Variants in TPTE2 observed in about 807,000 individuals in gnomAD.
The protein encoded by TPTE2 is phosphatidylinositol 3,4,5-trisphosphate 3-phosphatase TPTE2.
Under a neutral mutation model 78.6 loss-of-function variants are expected in TPTE2, and 53 were observed. The ratio of observed to expected loss-of-function variants is 0.67; its 90% CI spans 0.54 to 0.85. TPTE2 has a LOEUF of 0.85. Ranked by LOEUF, TPTE2 falls within the 40% of genes least tolerant of loss-of-function variation. The probability of loss-of-function intolerance (pLI) is 0.00; values close to 1 mark genes in which losing one functional copy is unlikely to be tolerated. For missense variants in TPTE2, 461 were observed against 623.0 expected (o/e 0.74, Z 2.77); for synonymous variants, 175 against 206.2 (o/e 0.85, Z 1.30).
At chr13:19,445,380 T>C (rs1323633013) in intron 13 of TPTE2, among the ~76,000 whole-genome samples, 1 of 150,604 alleles carries the variant, frequency 6.6e-6, no homozygotes, top group Non-Finnish European at 1.5e-5. Context: ...ATTATAGAAA[T>C]GCAAATGATC....
chr13:19,557,812 ATAGT>A, the TPTE2 span, among the ~76,000 whole-genome samples: 246 of 152,336 alleles, frequency 1.6e-3, no homozygotes, highest in African/African-American at 5.7e-3. Context: ...TACCTGAGAA[ATAGT>A]TATTCTCTTT....
intron 6 of TPTE2, among the ~76,000 whole-genome samples, chr13:19,467,863 T>C (rs1269334838): frequency 7.8e-6 from 1 of 128,310 alleles, no homozygotes; most frequent in Non-Finnish European, 1.6e-5. Context: ...GATGATCATC[T>C]TTCTACTCTC....
intron 13 of TPTE2, among the ~76,000 whole-genome samples, chr13:19,445,070 C>A (rs1877739532): frequency 6.6e-6 from 1 of 152,086 alleles, no homozygotes; most frequent in Non-Finnish European, 1.5e-5. Context: ...CACAAAAACA[C>A]AAACTTTATA....
chr13:19,454,068 G>T (rs544435152), intron 10 of TPTE2, among the ~76,000 whole-genome samples: 2 of 152,132 alleles, frequency 1.3e-5, no homozygotes, highest in Non-Finnish European at 2.9e-5. Context: ...TGGTAGCAGT[G>T]GCCAAACTTG....
intron 17 of TPTE2, among the ~76,000 whole-genome samples, chr13:19,429,708 G>A (rs1018217661): frequency 6.6e-5 from 10 of 152,154 alleles, no homozygotes; most frequent in Middle Eastern, 3.2e-3. Context: ...GGGAGGGGGT[G>A]GCAGGGAACA....
intron 6 of TPTE2, among the ~76,000 whole-genome samples, chr13:19,473,612 T>TTG (rs1879759930): frequency 6.6e-6 from 1 of 150,918 alleles, no homozygotes; most frequent in Non-Finnish European, 1.5e-5. Flanking sequence ...TTTTTTTTTT[T>TTG]TGAGATGGAG....
intron 6 of TPTE2, among the ~76,000 whole-genome samples, 162 bp downstream of exon 9, chr13:19,473,752 T>C (rs1407984058): frequency 6.6e-6 from 1 of 151,968 alleles, no homozygotes; most frequent in Non-Finnish European, 1.5e-5. Flanking sequence ...ACCACCACCA[T>C]GCCCAGCTAA....
chr13:19,465,262 G>GTT lies in TPTE2; in HGVS notation c.668_669insAA (p.Tyr223Ter), dbSNP rs1566051923. ...CCATTAAGTGTCACAAACCTGTAAC[G>GTT]TAAGTGAGGTCTAGGTCAAATCCAT... Residue 223 changes from tyrosine (Y) to a stop codon, truncating the protein, a stop_gained and frameshift_variant, in exon 9 of 20, where the codon TAC (tyrosine) becomes TAAAC (stop). Coordinates refer to ENST00000400230, the Ensembl canonical transcript of TPTE2. LOFTEE classifies it high-confidence loss of function. 1 of 1,613,712 alleles carries GTT rather than the reference G, an allele frequency of 6.2e-7. No homozygotes were observed. The highest frequency in any genetic ancestry group is 1.3e-5 in the African/African-American group (1 of 74,914).
At chr13:19,451,097 A>C in intron 11 of TPTE2, 68 bp downstream of exon 14, 1 of 1,572,378 alleles carries the variant, frequency 6.4e-7, no homozygotes, top group Non-Finnish European at 8.6e-7. Context: ...TAAAAAGCAA[A>C]ATCATCTTCT....
chr13:19,437,985 T>A (rs1235518836), intron 14 of TPTE2, 107 bp downstream of exon 17: 2 of 1,460,474 alleles, frequency 1.4e-6, no homozygotes, highest in African/African-American at 2.9e-5. Flanking sequence ...ATTACAATTT[T>A]ACTAAGCACC....
intron 13 of TPTE2, among the ~76,000 whole-genome samples, chr13:19,441,624 T>A (rs942539377): frequency 2.6e-5 from 4 of 152,170 alleles, no homozygotes; most frequent in Non-Finnish European, 5.9e-5. Context: ...CACCTGTGAC[T>A]TTAAAAATTA....
At chr13:19,503,237 G>T (rs897671041) in exon 1 of TPTE2, 3 of 1,613,616 alleles carry the variant, frequency 1.9e-6, no homozygotes, top group African/African-American at 2.7e-5. Flanking sequence ...TCATTCATAC[G>T]TGCCTCTGGG....
chr13:19,427,260 T>C (rs1876197231), intron 17 of TPTE2, among the ~76,000 whole-genome samples: 1 of 151,626 alleles, frequency 6.6e-6, no homozygotes, highest in African/African-American at 2.4e-5. Flanking sequence ...AATTTTTGTA[T>C]TTTTAGTGGA....
Position 19,440,486 on chromosome 13 carries a change from T to C in TPTE2, c.974-2333A>G, listed in dbSNP as rs868817440. 1.1e-4 allele frequency among the ~76,000 whole-genome samples: 17 copies of C among 152,238 alleles called. No individual in the cohort carries two copies. The Middle Eastern group carries it at 0.017, about 152-fold the overall frequency. On this transcript the variant is annotated intron_variant, in intron 13 of 19. Transcript: ENST00000400230. ...AGGAACATACTTCAAAATAGAGCCA[T>C]GGGCCGGATGCAGTGGCTCACATCT...
rs749654450 is a variant in TPTE2 at position 19,529,073 on chromosome 13, G to A, written c.-44+7523C>T. Among the ~76,000 whole-genome samples, 5 of 152,140 alleles carry A rather than the reference G, an allele frequency of 3.3e-5. No individual in the cohort carries two copies. The East Asian group carries it at 5.8e-4, about 18-fold the overall frequency. On this transcript the variant is annotated intron_variant, in intron 1 of 17. Coordinates refer to the TPTE2 transcript ENST00000390680. ...GCGGGGGTTGCAGTGAGCCAAGATC[G>A]TGCCACTGTACTCCAGCCCCTGGGC...
intron 17 of TPTE2, among the ~76,000 whole-genome samples, chr13:19,426,840 G>C (rs889778541): frequency 6.6e-6 from 1 of 151,904 alleles, no homozygotes; most frequent in African/African-American, 2.4e-5. Context: ...AAGTAGCTGG[G>C]ACTATAGGCA....
chr13:19,538,577 GGA>G (rs1871341988), upstream of TPTE2, among the ~76,000 whole-genome samples: 1 of 150,892 alleles, frequency 6.6e-6, no homozygotes, highest in Non-Finnish European at 1.5e-5. Flanking sequence ...TGCCCAGGAT[GGA>G]GTGCAGTGGC....
chr13:19,465,414 C>T (rs758605206), intron 8 of TPTE2, 51 bp downstream of exon 11: 13 of 1,606,994 alleles, frequency 8.1e-6, no homozygotes, highest in Non-Finnish European at 1.1e-5. Context: ...GCCAATGGGT[C>T]CCAAAACACA....
chr13:19,532,704 G>A (rs1311804266), intron 1 of TPTE2, among the ~76,000 whole-genome samples: 1 of 152,158 alleles, frequency 6.6e-6, no homozygotes, highest in Non-Finnish European at 1.5e-5. Flanking sequence ...TCTTTCCTAT[G>A]AGCATGTTGC....
Sources: gnomAD v4.1 joint callset for allele counts (sites outside exome capture counted in the v4.1 genomes callset) on GRCh38, gnomAD v4.1.1 for gene constraint, MANE v1.5 for transcripts, NCBI Gene and HGNC (gene_info 2026-07-23, HGNC 2026-07-21) for gene names.